MGAT4C: variants seen among roughly 807,000 people sequenced by gnomAD.
MGAT4C encodes alpha-1,3-mannosyl-glycoprotein 4-beta-N-acetylglucosaminyltransferase C.
In MGAT4C, 19 loss-of-function variants were observed where a neutral mutation model predicts 40.1. The observed-to-expected ratio is 0.47, with a 90% CI of 0.33 to 0.70. MGAT4C has a LOEUF of 0.70. MGAT4C is among the 30% of genes least tolerant of loss of function. The pLI is 0.02. For synonymous variants in MGAT4C, 181 were observed against 187.1 expected (o/e 0.97, Z 0.27); for missense variants, 491 against 563.2 (o/e 0.87, Z 1.30).
chr12:86,020,736 G>A (rs1239828411), intron 2 of MGAT4C, among the ~76,000 whole-genome samples: 1 of 152,136 alleles, frequency 6.6e-6, no homozygotes, highest in Admixed American at 6.5e-5. Context: ...ATTGACAAAT[G>A]GGATCTAATT....
At chr12:86,803,509 C>G (rs1952276035) in intron 1 of MGAT4C, among the ~76,000 whole-genome samples, 10 of 151,962 alleles carry the variant, frequency 6.6e-5, no homozygotes, top group Admixed American at 6.6e-4. Context: ...TTTTCCCAAC[C>G]TACTCATCTG....
intron 2 of MGAT4C, among the ~76,000 whole-genome samples, chr12:86,038,809 A>G (rs1341059094): frequency 3.3e-5 from 5 of 149,748 alleles, no homozygotes; most frequent in Non-Finnish European, 7.5e-5. Context: ...GTTAGTTGAT[A>G]CAGTTTCTTC....
intron 1 of MGAT4C, among the ~76,000 whole-genome samples, chr12:86,802,659 T>C (rs949996008): frequency 2.7e-5 from 4 of 150,726 alleles, no homozygotes; most frequent in Non-Finnish European, 5.9e-5. Flanking sequence ...GAACTCCCAT[T>C]CACAATTGCT....
chr12:86,062,232 C>A (rs1894060655), intron 1 of MGAT4C, among the ~76,000 whole-genome samples: 1 of 152,160 alleles, frequency 6.6e-6, no homozygotes, highest in African/African-American at 2.4e-5. Flanking sequence ...CCCCGGCAAA[C>A]ACGGTCTGGA....
intron 2 of MGAT4C, among the ~76,000 whole-genome samples, chr12:86,688,197 G>T (rs1396602249): frequency 4.3e-5 from 4 of 92,410 alleles, no homozygotes; most frequent in Admixed American, 1.6e-4. Flanking sequence ...CCATTTGCTT[G>T]GTAAATATTC....
At chr12:86,572,418 C>G in intron 2 of MGAT4C, among the ~76,000 whole-genome samples, 1 of 151,998 alleles carries the variant, frequency 6.6e-6, no homozygotes, top group East Asian at 1.9e-4. Flanking sequence ...CTGCTTTACT[C>G]CCTTACAATT....
intron 2 of MGAT4C, among the ~76,000 whole-genome samples, chr12:86,493,352 G>A (rs2136325641): frequency 6.6e-6 from 1 of 152,128 alleles, no homozygotes; most frequent in Admixed American, 6.5e-5. Context: ...GAACACGTAT[G>A]TTTATTGCGG....
chr12:86,099,545 T>A (rs1874570793), intron 1 of MGAT4C, among the ~76,000 whole-genome samples: 1 of 151,562 alleles, frequency 6.6e-6, no homozygotes, highest in Middle Eastern at 3.4e-3. Context: ...GAGCAAAGGA[T>A]ATAAACAGAA....
intron 2 of MGAT4C, among the ~76,000 whole-genome samples, chr12:86,456,436 C>T (rs942706406): frequency 3.3e-5 from 5 of 152,032 alleles, no homozygotes; most frequent in African/African-American, 4.8e-5. Context: ...TTTCAAAAAC[C>T]ATCCTTGTAA....
chr12:86,432,084 A>G (rs989609349), intron 3 of MGAT4C, among the ~76,000 whole-genome samples: 1 of 152,102 alleles, frequency 6.6e-6, no homozygotes, highest in Non-Finnish European at 1.5e-5. Context: ...AAGTTAGGAG[A>G]GTGTTAAGGA....
chr12:86,802,786 CA>C (rs1230754343), intron 1 of MGAT4C, among the ~76,000 whole-genome samples: 1 of 145,474 alleles, frequency 6.9e-6, no homozygotes, highest in Non-Finnish European at 1.5e-5. Flanking sequence ...AATGGAAGAA[CA>C]TTCCATGCTC....
intron 1 of MGAT4C, among the ~76,000 whole-genome samples, chr12:86,087,037 G>A (rs1871981287): frequency 6.6e-6 from 1 of 151,994 alleles, no homozygotes; most frequent in African/African-American, 2.4e-5. Flanking sequence ...ATTTTATTGT[G>A]TATATACCCC....
At chr12:85,994,299 C>T (rs1046128474) in intron 2 of MGAT4C, among the ~76,000 whole-genome samples, 19 of 152,170 alleles carry the variant, frequency 1.2e-4, no homozygotes, top group African/African-American at 4.6e-4. Flanking sequence ...AATCCATTCA[C>T]AATACAGAAT....
Position 86,036,544 on chromosome 12 carries a change from A to T in MGAT4C, c.-7+13130T>A, listed in dbSNP as rs1565890954. On this transcript the variant is annotated intron_variant, in intron 2 of 4. Transcript: ENST00000611864. ...TTTTGATGAAGGCTTTTCCTCATCT[A>T]TTGAGATAATCTTGTGGTTTTTGTT... Among the ~76,000 whole-genome samples the T allele has an allele frequency of 1.3e-5, 2 of 150,040 alleles. 1 individual carries two copies. The highest frequency in any genetic ancestry group is 4.8e-5 in the African/African-American group (2 of 41,262).
intron 1 of MGAT4C, among the ~76,000 whole-genome samples, chr12:86,804,826 A>T (rs1434486353): frequency 6.6e-6 from 1 of 152,004 alleles, no homozygotes; most frequent in Non-Finnish European, 1.5e-5. Flanking sequence ...TTTGAGAATA[A>T]ATTCACAATG....
intron 1 of MGAT4C, among the ~76,000 whole-genome samples, chr12:86,083,966 C>A (rs1021566862): frequency 3.3e-5 from 5 of 152,026 alleles, no homozygotes; most frequent in Non-Finnish European, 7.4e-5. Flanking sequence ...AGGTGTAGCT[C>A]TCCCATGGAC....
At chr12:85,980,496 A>G (rs1884466405) in intron 4 of MGAT4C, 66 bp from the exon 5 acceptor site, 3 of 1,399,056 alleles carry the variant, frequency 2.1e-6, no homozygotes, top group Non-Finnish European at 2.9e-6. Flanking sequence ...AAAAGAGAGA[A>G]GATATTTATT....
intron 1 of MGAT4C, among the ~76,000 whole-genome samples, chr12:86,168,630 T>G (rs1886446953): frequency 6.6e-6 from 1 of 152,134 alleles, no homozygotes; most frequent in Non-Finnish European, 1.5e-5. Context: ...TAAAGGACGT[T>G]ATTGAGACAA....
At chr12:86,641,189 AT>A (rs1405085176) in intron 2 of MGAT4C, among the ~76,000 whole-genome samples, 1 of 151,394 alleles carries the variant, frequency 6.6e-6, no homozygotes, top group East Asian at 2.0e-4. Context: ...CTATGCAGCC[AT>A]AAAAAATGAT....
Sources: allele counts gnomAD v4.1 joint callset (sites outside exome capture counted in the v4.1 genomes callset), GRCh38; gene constraint gnomAD v4.1.1; transcripts MANE v1.5; gene names NCBI Gene and HGNC (gene_info 2026-07-23, HGNC 2026-07-21).